Variants in ADAMTS19 observed in about 807,000 individuals in gnomAD.
The protein encoded by ADAMTS19 is A disintegrin and metalloproteinase with thrombospondin motifs 19.
Under a neutral mutation model 153.3 loss-of-function variants are expected in ADAMTS19, and 93 were observed. The observed-to-expected ratio is 0.61, with a 90% CI of 0.51 to 0.72. ADAMTS19 has a LOEUF of 0.72. Among genes scored for constraint, ADAMTS19 ranks in the 30% least tolerant of loss-of-function variants. The probability of loss-of-function intolerance (pLI) is 0.00; values close to 1 mark genes in which losing one functional copy is unlikely to be tolerated. For missense variants in ADAMTS19, 1,482 were observed against 1,552.1 expected (o/e 0.95, Z 0.76); for synonymous variants, 600 against 556.6 (o/e 1.08, Z -1.10).
chr5:129,732,024 T>A (rs1171527236), intron 21 of ADAMTS19, among the ~76,000 whole-genome samples: 4 of 152,156 alleles, frequency 2.6e-5, no homozygotes, highest in African/African-American at 9.6e-5. Context: ...CAAATTAGCA[T>A]CAGACTATTT....
In ADAMTS19 at chr5:129,735,119, C is replaced by CA. The variant is rs375094528; in HGVS notation, c.3490+20dup. ...ACATCACCCAGACTGGGTAAGCAGA[C>CA]AAAAAAAAAAGATGCTTTTGAAAAA... is the stretch of plus-strand genomic sequence containing the variant. On this transcript the variant is annotated intron_variant, in intron 22 of 22. Transcript: ENST00000274487. 9,246 of 1,259,570 alleles carry CA rather than the reference C, an allele frequency of 7.3e-3. 3 individuals carry two copies. The highest frequency in any genetic ancestry group is 0.02 in the South Asian group (1,297 of 63,296). 78.0% of individuals were successfully genotyped at this position (1,259,570 alleles called of 1,614,324 possible).
intron 16 of ADAMTS19, among the ~76,000 whole-genome samples, chr5:129,671,600 A>T (rs1754302177): frequency 6.6e-6 from 1 of 152,224 alleles, no homozygotes; most frequent in Non-Finnish European, 1.5e-5. Flanking sequence ...TGTCTACATC[A>T]AACTATATAT....
chr5:129,584,455 C>T (rs1054060351), intron 7 of ADAMTS19, among the ~76,000 whole-genome samples: 12 of 152,268 alleles, frequency 7.9e-5, no homozygotes, highest in African/African-American at 2.4e-4. Flanking sequence ...TCTTCAGAGC[C>T]GCAGGCAGGA....
At chr5:129,470,781 G>T (rs1750033764) in intron 2 of ADAMTS19, among the ~76,000 whole-genome samples, 1 of 152,150 alleles carries the variant, frequency 6.6e-6, no homozygotes, top group Non-Finnish European at 1.5e-5. Flanking sequence ...ATCAGGGAAT[G>T]GTGCTGGTGA....
At position 129,525,145 on chromosome 5, in the gene ADAMTS19, A is replaced by G. The variant is rs77737298; in HGVS notation, c.914-1139A>G. Reference sequence around the variant, plus strand: ...TGAGTAGTTTGTACATGCGATTTGTATGCATTTCTGATGGCTGTATGTTTT... The same window carrying G: ...TGAGTAGTTTGTACATGCGATTTGTGTGCATTTCTGATGGCTGTATGTTTT... On this transcript the variant is annotated intron_variant, in intron 3 of 22. Transcript: ENST00000274487. Among the ~76,000 whole-genome samples, 470 of 152,232 alleles carry G rather than the reference A, an allele frequency of 3.1e-3. 2 individuals are homozygous for G. The highest frequency in any genetic ancestry group is 0.011 in the African/African-American group (456 of 41,560).
chr5:129,478,758 G>T (rs138469761), intron 2 of ADAMTS19, among the ~76,000 whole-genome samples: 1 of 152,066 alleles, frequency 6.6e-6, no homozygotes, highest in Admixed American at 6.6e-5. Flanking sequence ...TACCCAGGTT[G>T]GTATTGAACT....
At chr5:129,634,872 T>A in intron 10 of ADAMTS19, among the ~76,000 whole-genome samples, 1 of 148,216 alleles carries the variant, frequency 6.7e-6, no homozygotes, top group Non-Finnish European at 1.5e-5. Context: ...CAAAAGCAAT[T>A]GCAACAAAAG....
At chr5:129,504,218 A>G (rs1751197126) in intron 2 of ADAMTS19, among the ~76,000 whole-genome samples, 2 of 152,138 alleles carry the variant, frequency 1.3e-5, no homozygotes, top group South Asian at 4.1e-4. Flanking sequence ...CTCCTCTATA[A>G]GGAGCATCCT....
intron 7 of ADAMTS19, among the ~76,000 whole-genome samples, chr5:129,585,335 C>T (rs1749728744): frequency 6.6e-6 from 1 of 151,872 alleles, no homozygotes; most frequent in Non-Finnish European, 1.5e-5. Context: ...CGGAGCTGTT[C>T]CTATTCGGCC....
intron 21 of ADAMTS19, among the ~76,000 whole-genome samples, chr5:129,714,345 G>A: frequency 6.7e-6 from 1 of 149,364 alleles, no homozygotes; most frequent in East Asian, 2.0e-4. Context: ...CGTGAACCCG[G>A]GAAGCGGAGC....
At chr5:129,555,364 T>C (rs1753277876) in intron 7 of ADAMTS19, among the ~76,000 whole-genome samples, 1 of 152,162 alleles carries the variant, frequency 6.6e-6, no homozygotes, top group Admixed American at 6.6e-5. Context: ...AAACAGTATT[T>C]TCATGGACAT....
At chr5:129,697,046 C>T (rs1755589960) in intron 19 of ADAMTS19, among the ~76,000 whole-genome samples, 1 of 152,078 alleles carries the variant, frequency 6.6e-6, no homozygotes, top group Admixed American at 6.6e-5. Context: ...TTTGCAGGGC[C>T]ATTTCAAAGT....
chr5:129,534,356 C>T lies in ADAMTS19; in HGVS notation c.1328+5679C>T, dbSNP rs189894469. Among the ~76,000 whole-genome samples, 728 of 152,234 alleles carry T rather than the reference C, an allele frequency of 4.8e-3. 3 individuals are homozygous for T. The highest frequency in any genetic ancestry group is 6.7e-3 in the Non-Finnish European group (458 of 68,012). On this transcript the variant is annotated intron_variant, in intron 6 of 22. Transcript: ENST00000274487. The stretch of plus-strand genomic sequence containing the variant: ...GGATAAATTCCTCGACGCATACACT[C>T]TCCCAAGACTAAACCAGGAAGAAGT...
chr5:129,696,234 T>C (rs932304945), intron 19 of ADAMTS19, among the ~76,000 whole-genome samples: 2 of 151,768 alleles, frequency 1.3e-5, no homozygotes, highest in African/African-American at 4.8e-5. Context: ...TCTGACCAAT[T>C]TGGAGAAACC....
At chr5:129,474,561 C>A (rs1442449766) in intron 2 of ADAMTS19, among the ~76,000 whole-genome samples, 1 of 152,042 alleles carries the variant, frequency 6.6e-6, no homozygotes, top group Non-Finnish European at 1.5e-5. Context: ...CTCAACAATA[C>A]TTGTTTATAT....
intron 17 of ADAMTS19, among the ~76,000 whole-genome samples, chr5:129,683,098 TATAG>T (rs1287511183): frequency 1.3e-5 from 2 of 152,020 alleles, no homozygotes; most frequent in African/African-American, 4.8e-5. Flanking sequence ...TATTATATTA[TATAG>T]ATTGTTTCCA....
intron 21 of ADAMTS19, among the ~76,000 whole-genome samples, chr5:129,719,752 A>G (rs1015203143): frequency 1.3e-5 from 2 of 152,146 alleles, no homozygotes; most frequent in African/African-American, 4.8e-5. Flanking sequence ...ACACTAAAAC[A>G]TTTATCAGCT....
intron 19 of ADAMTS19, among the ~76,000 whole-genome samples, chr5:129,697,784 TTC>T (rs1462110010): frequency 3.3e-5 from 5 of 152,282 alleles, no homozygotes; most frequent in Non-Finnish European, 7.3e-5. Flanking sequence ...TTCCTCAGAA[TTC>T]TCTTTTTCTC....
At chr5:129,723,596 G>C (rs1464830327) in intron 21 of ADAMTS19, among the ~76,000 whole-genome samples, 1 of 152,144 alleles carries the variant, frequency 6.6e-6, no homozygotes, top group Non-Finnish European at 1.5e-5. Flanking sequence ...GTGAGCCACA[G>C]CATAGACATA....
Sources: allele counts gnomAD v4.1 joint callset (sites outside exome capture counted in the v4.1 genomes callset), GRCh38; gene constraint gnomAD v4.1.1; transcripts MANE v1.5; gene names NCBI Gene and HGNC (gene_info 2026-07-23, HGNC 2026-07-21).